Variants in MARK3 observed in about 807,000 individuals in gnomAD.
The protein encoded by MARK3 is microtubule affinity regulating kinase 3.
Under a neutral mutation model 90.1 loss-of-function variants are expected in MARK3, and 46 were observed. That is an observed-to-expected ratio of 0.51 (90% CI 0.40 to 0.65). MARK3 has a LOEUF of 0.65. MARK3 is among the 30% of genes least tolerant of loss of function. MARK3 has a pLI of 0.00. For missense variants in MARK3, 818 were observed against 947.2 expected (o/e 0.86, Z 1.79); for synonymous variants, 321 against 332.6 (o/e 0.97, Z 0.38).
chr14:103,501,685 C>T (rs1213898870), intron 17 of MARK3, among the ~76,000 whole-genome samples: 1 of 152,060 alleles, frequency 6.6e-6, no homozygotes, highest in Non-Finnish European at 1.5e-5. Context: ...TCGGCGGGCT[C>T]CACCTCTTCT....
intron 2 of MARK3, chr14:103,412,561 C>A: frequency 1.6e-6 from 1 of 635,586 alleles, no homozygotes; most frequent in Non-Finnish European, 2.8e-6. Context: ...TGCTGCTGTT[C>A]CCCCAGGACC....
Position 103,451,469 on chromosome 14 carries a change from A to G in MARK3, c.347-449A>G, listed in dbSNP as rs541268424. The stretch of plus-strand genomic sequence containing the variant: ...AAAGTTGTCATAAGTTTCCCAAGCA[A>G]TAAAGGTCTCAAATAGAATTACATC... On this transcript the variant is annotated intron_variant, in intron 4 of 17. Transcript: ENST00000429436. Among the ~76,000 whole-genome samples the G allele has an allele frequency of 1.4e-4, 21 of 152,356 alleles. No homozygotes were observed. The South Asian group carries it at 4.3e-3, about 32-fold the overall frequency.
intron 1 of MARK3, among the ~76,000 whole-genome samples, chr14:103,395,315 C>T (rs950355848): frequency 4.6e-5 from 7 of 151,020 alleles, no homozygotes; most frequent in South Asian, 4.2e-4. Flanking sequence ...CAAATTCACT[C>T]GGCTGTGCCT....
intron 14 of MARK3, among the ~76,000 whole-genome samples, chr14:103,487,264 C>T (rs920776898): frequency 3.3e-5 from 5 of 150,294 alleles, no homozygotes; most frequent in Admixed American, 6.6e-5. Context: ...CCAAGACGGG[C>T]GGATTGCCTA....
chr14:103,418,445 A>G (rs551759722), intron 2 of MARK3, among the ~76,000 whole-genome samples: 4 of 152,002 alleles, frequency 2.6e-5, no homozygotes, highest in Non-Finnish European at 4.4e-5. Context: ...GAGCTTTCCT[A>G]TTGGGAGTTG....
chr14:103,468,273 T>G, intron 12 of MARK3, 87 bp downstream of exon 12: 1 of 879,276 alleles, frequency 1.1e-6, no homozygotes, highest in Non-Finnish European at 1.6e-6. Flanking sequence ...GCTCAGAGCC[T>G]GGCTTGATGT....
chr14:103,422,386 T>C (rs773114076), intron 2 of MARK3, among the ~76,000 whole-genome samples: 2 of 152,038 alleles, frequency 1.3e-5, no homozygotes, highest in Non-Finnish European at 1.5e-5. Flanking sequence ...ACCCAGGAGG[T>C]GGAGGTTGCA....
intron 6 of MARK3, among the ~76,000 whole-genome samples, chr14:103,461,768 G>A (rs1379832667): frequency 6.6e-6 from 1 of 152,134 alleles, no homozygotes; most frequent in Non-Finnish European, 1.5e-5. Context: ...CGGGCGCAGT[G>A]GCTCACACCT....
chr14:103,459,504 G>GT (rs1318411472), intron 6 of MARK3, among the ~76,000 whole-genome samples: 3 of 151,754 alleles, frequency 2.0e-5, no homozygotes, highest in African/African-American at 7.3e-5. Context: ...TGGTTTCTTT[G>GT]TTTTTTCGTT....
At chr14:103,478,894 A>G (rs561009468) in intron 13 of MARK3, among the ~76,000 whole-genome samples, 61 of 152,326 alleles carry the variant, frequency 4.0e-4, no homozygotes, top group African/African-American at 1.4e-3. Flanking sequence ...TTCTGTATAT[A>G]TACTACAATT....
intron 6 of MARK3, among the ~76,000 whole-genome samples, chr14:103,458,158 A>G (rs2141434435): frequency 6.6e-6 from 1 of 152,306 alleles, no homozygotes; most frequent in South Asian, 2.1e-4. Flanking sequence ...CTCTTGTTGT[A>G]GCTTAGAAGC....
chr14:103,409,900 T>C (rs1398658431), intron 2 of MARK3, among the ~76,000 whole-genome samples: 1 of 152,194 alleles, frequency 6.6e-6, no homozygotes, highest in Non-Finnish European at 1.5e-5. Flanking sequence ...TTCTTTAGCA[T>C]TGCGTGTCCT....
Position 103,480,284 on chromosome 14 carries a change from G to A in MARK3, c.1483-103G>A, listed in dbSNP as rs911609970. 5.6e-5 allele frequency: 41 copies of A among 734,634 alleles called. 1 individual carries two copies. Among genetic ancestry groups the A allele is most frequent in the South Asian group, 2.7e-4 (15 of 56,514 alleles). The allele number at this position is 734,634 out of a possible 1,614,324, so 45.5% of individuals were successfully genotyped here. A position where few individuals can be genotyped will look rare whatever the true frequency, so the allele number is the denominator to read the frequency against. On this transcript the variant is annotated intron_variant, in intron 13 of 17. Transcript: ENST00000429436. ...AGTAAGACCTTGCCTCAAAAAACAAGTAAATAAAAGACTGACATTCCTATT... is the reference window on the plus strand; with the variant it reads ...AGTAAGACCTTGCCTCAAAAAACAAATAAATAAAAGACTGACATTCCTATT...
chr14:103,502,849 G>T, intron 17 of MARK3, 33 bp from the exon 18 acceptor site: 2 of 1,552,252 alleles, frequency 1.3e-6, no homozygotes, highest in East Asian at 2.3e-5. Context: ...TTTCCTGTAC[G>T]ATTAAAAATA....
Position 103,423,539 on chromosome 14 carries a change from G to A in MARK3, c.244-4848G>A, listed in dbSNP as rs1595596309. 3.3e-5 allele frequency among the ~76,000 whole-genome samples: 5 copies of A among 152,292 alleles called. 1 individual carries two copies. The South Asian group carries it at 1.0e-3, about 32-fold the overall frequency. ...CCAACCCCACAATCACTGGAATAAA[G>A]GGGTGGTCTTCTCTCCAGTCTACAC... On this transcript the variant is annotated intron_variant, in intron 2 of 17. Coordinates refer to ENST00000429436, the MANE Select transcript of MARK3 (RefSeq NM_001128918.3).
chr14:103,486,507 T>G (rs1459982572), intron 14 of MARK3, among the ~76,000 whole-genome samples: 3 of 152,210 alleles, frequency 2.0e-5, no homozygotes, highest in Non-Finnish European at 4.4e-5. Flanking sequence ...TAAAAAAATT[T>G]TTTAATTATT....
In MARK3 at chr14:103,386,079, A is replaced by C. The variant is rs575811139; in HGVS notation, c.50A>C (p.Asn17Thr). The C allele has an allele frequency of 6.2e-7, 1 of 1,614,096 alleles. No individual in the cohort carries two copies. Among genetic ancestry groups the C allele is most frequent in the Admixed American group, 1.7e-5 (1 of 60,032 alleles). ...ACGGTGAATGAACGAGACACTGAAAACGTAAGTAACCTGGGCGTTGTAGTT... is the reference window on the plus strand; with the variant it reads ...ACGGTGAATGAACGAGACACTGAAACCGTAAGTAACCTGGGCGTTGTAGTT... ...LPTVNERDTENHTSHGDGRQE... is the reference protein window; with the variant it reads ...LPTVNERDTETHTSHGDGRQE... Residue 17 changes from asparagine (N) to threonine (T), a missense_variant and splice_region_variant, in exon 1 of 18, where the codon AAC becomes ACC. Transcript: ENST00000429436.
chr14:103,487,394 A>T (rs1030891809), intron 14 of MARK3, among the ~76,000 whole-genome samples: 4 of 151,128 alleles, frequency 2.6e-5, no homozygotes, highest in African/African-American at 9.7e-5. Context: ...TAGAGGATCC[A>T]TTTTTTTTCT....
At chr14:103,417,215 TTGTTATACAACAA>T (rs2091984377) in intron 2 of MARK3, 1 of 526 alleles carries the variant, frequency 1.9e-3, no homozygotes, top group Non-Finnish European at 0.083. Flanking sequence ...CCCAGGAGCA[TTGTTATACAACAA>T]CATCACAATG....
Sources: gnomAD v4.1 joint callset for allele counts (sites outside exome capture counted in the v4.1 genomes callset) on GRCh38, gnomAD v4.1.1 for gene constraint, MANE v1.5 for transcripts, NCBI Gene and HGNC (gene_info 2026-07-23, HGNC 2026-07-21) for gene names.